SPRED2: variants seen among roughly 807,000 people sequenced by gnomAD.
SPRED2 encodes sprouty related EVH1 domain containing 2, also known as sprouty-related, EVH1 domain-containing protein 2.
In SPRED2, 47 loss-of-function variants were observed where a neutral mutation model predicts 43.0. The ratio of observed to expected loss-of-function variants is 1.09; its 90% CI spans 0.87 to 1.40. SPRED2 has a LOEUF of 1.40. Ranked by LOEUF, SPRED2 falls within the 40% of genes most tolerant of loss-of-function variation. SPRED2 has a pLI of 0.00. For missense variants in SPRED2, 561 were observed against 586.4 expected, an observed-to-expected ratio of 0.96 and a Z score of 0.45; for synonymous variants, 225 against 225.7, an observed-to-expected ratio of 1.00 and a Z score of 0.03.
rs755307636 is a variant in SPRED2 at position 65,313,471 on chromosome 2, CGGAT to C, written c.*26_*29del. The stretch of plus-strand genomic sequence containing the variant: ...TAAGAGACGAGTTCCCCTGTGGCTG[CGGAT>C]GGAGGGAGAAGGGAGGGAAACTGAG... On this transcript the variant is annotated 3_prime_UTR_variant, in exon 6 of 6. Transcript: ENST00000356388. 7.6e-6 allele frequency: 12 copies of C among 1,570,118 alleles called. No individual in the cohort carries two copies. Among genetic ancestry groups the C allele is most frequent in the Middle Eastern group, 4.5e-4 (2 of 4,482 alleles).
intron 1 of SPRED2, among the ~76,000 whole-genome samples, chr2:65,414,686 T>C (rs1226708173): frequency 1.3e-5 from 2 of 152,324 alleles, no homozygotes; most frequent in South Asian, 4.2e-4. Flanking sequence ...TAGAAAGTAA[T>C]GTACATGCTT....
intron 2 of SPRED2, among the ~76,000 whole-genome samples, chr2:65,339,062 C>A (rs1674088286): frequency 1.5e-5 from 2 of 137,326 alleles, no homozygotes; most frequent in South Asian, 4.8e-4. Context: ...GGCTCAGCCC[C>A]CCGCCGGGCC....
chr2:65,410,142 C>A (rs1301491684), intron 1 of SPRED2, among the ~76,000 whole-genome samples: 2 of 152,002 alleles, frequency 1.3e-5, no homozygotes, highest in Non-Finnish European at 1.5e-5. Context: ...GAGGCTGAGG[C>A]AGGAGGATAA....
chr2:65,319,725 G>C (rs1673357014), intron 4 of SPRED2, among the ~76,000 whole-genome samples: 1 of 151,616 alleles, frequency 6.6e-6, no homozygotes, highest in Non-Finnish European at 1.5e-5. Context: ...TGGTGTGCCA[G>C]GCCCTGAGCT....
At chr2:65,322,290 ATATATTTT>A (rs1474646778) in intron 4 of SPRED2, among the ~76,000 whole-genome samples, 3 of 78,992 alleles carry the variant, frequency 3.8e-5, no homozygotes, top group African/African-American at 1.8e-4. Flanking sequence ...ATATATATAT[ATATATTTT>A]TTTTTTTTTT....
chr2:65,320,847 G>T (rs1673388352), intron 4 of SPRED2, among the ~76,000 whole-genome samples: 1 of 152,194 alleles, frequency 6.6e-6, no homozygotes, highest in Admixed American at 6.5e-5. Flanking sequence ...CTCTGAACTG[G>T]CTCTCCTATA....
rs561005448 is a variant in SPRED2, at chr2:65,416,324, C to T, written c.26+15638G>A. On this transcript the variant is annotated intron_variant, in intron 1 of 5. Coordinates refer to ENST00000356388, the MANE Select transcript of SPRED2 (RefSeq NM_181784.3). Reference sequence around the variant, plus strand: ...TGTTGCTAAATTGTCCTTGTTGAGACAGTTGGGGGGGTGTATATTTCAGGC... The same window carrying T: ...TGTTGCTAAATTGTCCTTGTTGAGATAGTTGGGGGGGTGTATATTTCAGGC... Among the ~76,000 whole-genome samples the T allele has an allele frequency of 2.4e-3, 367 of 152,246 alleles. 1 individual carries two copies. The highest frequency in any genetic ancestry group is 8.6e-3 in the African/African-American group (357 of 41,540).
At chr2:65,316,642 C>T in intron 5 of SPRED2, 92 bp downstream of exon 5, 4 of 1,461,194 alleles carry the variant, frequency 2.7e-6, no homozygotes, top group Non-Finnish European at 3.7e-6. Context: ...GGCCTGTGGT[C>T]ATGGAATTTG....
intron 1 of SPRED2, among the ~76,000 whole-genome samples, chr2:65,417,986 T>C (rs1409863508): frequency 2.0e-5 from 3 of 152,234 alleles, no homozygotes; most frequent in Non-Finnish European, 4.4e-5. Flanking sequence ...GCTAATTTTG[T>C]TCTGAATTTC....
chr2:65,399,509 A>G (rs940048886), intron 1 of SPRED2, among the ~76,000 whole-genome samples: 21 of 146,994 alleles, frequency 1.4e-4, no homozygotes, highest in Non-Finnish European at 1.5e-5. Flanking sequence ...CAGCCTCCCT[A>G]GTAGCTGGAA....
Position 65,313,976 on chromosome 2 carries a change from T to C in SPRED2, c.782A>G (p.Lys261Arg). ...CACGTAGGGGTAGTTGTAGTCATGCTTGGGGACCTCGCCCTTGGCGAAGCG... is the reference window on the plus strand; with the variant it reads ...CACGTAGGGGTAGTTGTAGTCATGCCTGGGGACCTCGCCCTTGGCGAAGCG... ...YVRFAKGEVPKHDYNYPYVDS... is the reference protein window; with the variant it reads ...YVRFAKGEVPRHDYNYPYVDS... The change falls in exon 6 of 6, where the codon AAG (lysine) becomes AGG (arginine). Residue 261 changes from lysine to arginine, a missense_variant. Lys to Arg is a conservative substitution (Grantham distance 26). Around this residue, in one of 6 missense-constraint regions of SPRED2, gnomAD observed 164 missense variants for 164.1 expected, o/e 1.00. Transcript: ENST00000356388. 1 of 1,613,190 alleles carries C rather than the reference T, an allele frequency of 6.2e-7. No individual in the cohort carries two copies. The highest frequency in any genetic ancestry group is 8.5e-7 in the Non-Finnish European group (1 of 1,180,014).
At chr2:65,321,858 C>T (rs542602144) in intron 4 of SPRED2, among the ~76,000 whole-genome samples, 10 of 152,006 alleles carry the variant, frequency 6.6e-5, no homozygotes, top group East Asian at 1.9e-4. Context: ...CTGCAACCTC[C>T]GCCTCCTGGG....
chr2:65,337,165 G>A (rs980096184), intron 2 of SPRED2, among the ~76,000 whole-genome samples: 2 of 152,110 alleles, frequency 1.3e-5, no homozygotes, highest in Non-Finnish European at 2.9e-5. Context: ...AGTGAGGGGG[G>A]AAATCAGATA....
chr2:65,327,713 C>CTTTTTTTTTTTTTTTTTTT (rs555549300), intron 4 of SPRED2, among the ~76,000 whole-genome samples: 5 of 74,444 alleles, frequency 6.7e-5, no homozygotes, highest in Non-Finnish European at 9.7e-5. Context: ...TTCTTTCTTT[C>CTTTTTTTTTTTTTTTTTTT]TTTTTTTTTT....
chr2:65,312,949 G>A lies in SPRED2; in HGVS notation c.*552C>T. 1 of 985,784 alleles carries A rather than the reference G, an allele frequency of 1.0e-6. No individual in the cohort carries two copies. Among genetic ancestry groups the A allele is most frequent in the Non-Finnish European group, 1.2e-6 (1 of 830,008 alleles). 61.1% of individuals were successfully genotyped at this position (985,784 alleles called of 1,614,324 possible). A position where few individuals can be genotyped will look rare whatever the true frequency, so the allele number is the denominator to read the frequency against. On this transcript the variant is annotated 3_prime_UTR_variant, in exon 6 of 6. Coordinates refer to ENST00000356388, the MANE Select transcript of SPRED2 (RefSeq NM_181784.3). ...TTTTGTGGTACAAGTTTGTTAACTA[G>A]CTCACCTCCTATACATAATAACTGA... is the stretch of plus-strand genomic sequence containing the variant.
intron 2 of SPRED2, among the ~76,000 whole-genome samples, chr2:65,338,173 TC>T (rs1674027268): frequency 1.7e-5 from 2 of 118,824 alleles, no homozygotes; most frequent in African/African-American, 6.7e-5. Flanking sequence ...CTCTCCCGTC[TC>T]CCGTCTCCCT....
downstream of SPRED2, among the ~76,000 whole-genome samples, chr2:65,308,940 G>A (rs1672995084): frequency 1.3e-5 from 2 of 151,904 alleles, no homozygotes; most frequent in South Asian, 2.1e-4. Context: ...ATCAGCTGAG[G>A]TCAGGAGTTT....
intron 1 of SPRED2, among the ~76,000 whole-genome samples, chr2:65,429,851 G>A (rs1234654917): frequency 6.6e-6 from 1 of 152,210 alleles, no homozygotes; most frequent in Non-Finnish European, 1.5e-5. Context: ...AGCAGTGGAG[G>A]CTACGGCTTC....
At chr2:65,317,536 A>G (rs1673277781) in intron 4 of SPRED2, among the ~76,000 whole-genome samples, 1 of 142,298 alleles carries the variant, frequency 7.0e-6, no homozygotes, top group African/African-American at 2.7e-5. Flanking sequence ...AACAACAACA[A>G]CAACAACAAC....
Sources: allele counts gnomAD v4.1 joint callset (sites outside exome capture counted in the v4.1 genomes callset), GRCh38; gene constraint gnomAD v4.1.1; regional missense constraint gnomAD v4.1.1; transcripts MANE v1.5; gene names NCBI Gene and HGNC (gene_info 2026-07-23, HGNC 2026-07-21).